The following COL5A3 variants were observed in gnomAD, a reference collection of about 807,000 sequenced individuals.
COL5A3 encodes the protein collagen type V alpha 3 chain, also known as collagen alpha-3(V) chain.
Under a neutral mutation model 250.0 loss-of-function variants are expected in COL5A3, and 172 were observed. The observed-to-expected ratio is 0.69, with a 90% confidence interval of 0.61 to 0.78. COL5A3 has a LOEUF of 0.78. Ranked by LOEUF, COL5A3 falls within the 30% of genes least tolerant of loss-of-function variation. The pLI is 0.00. For missense variants in COL5A3, 2,340 were observed against 2,334.4 expected (o/e 1.00, Z -0.05); for synonymous variants, 937 against 900.4 (o/e 1.04, Z -0.73).
rs1390675766 is a variant in COL5A3 at position 10,009,576 on chromosome 19, C to T, written c.88+722G>A. Among the ~76,000 whole-genome samples the T allele has an allele frequency of 6.6e-6, 1 of 152,098 alleles. No individual in the cohort carries two copies. Among genetic ancestry groups the T allele is most frequent in the Non-Finnish European group, 1.5e-5 (1 of 68,020 alleles). The stretch of plus-strand genomic sequence containing the variant: ...ACCGCGGCCCTCCCCGAAGCCCTGT[C>T]CATGGTGCTGATCGCGGCTCTGGGG... On this transcript the variant is annotated intron_variant, in intron 1 of 66. Transcript: ENST00000264828. The surrounding 1 kb of genome is among the most constrained non-coding windows in gnomAD (Gnocchi z 4.4).
chr19:9,978,709 C>T lies in COL5A3; in HGVS notation c.2965-82G>A. ...TCTTCCTCTGTGGGGAGCTCACAGT[C>T]CCCACCTCTCTCCTGGGACTGGACA... On this transcript the variant is annotated intron_variant, in intron 40 of 66. Transcript: ENST00000264828. The T allele has an allele frequency of 2.9e-6, 3 of 1,024,832 alleles. No individual in the cohort carries two copies. The South Asian group carries it at 5.1e-5, about 18-fold the overall frequency. The allele number at this position is 1,024,832 out of a possible 1,614,324, so 63.5% of individuals were successfully genotyped here.
In COL5A3 at chr19:9,977,299, A is replaced by T; in HGVS notation, c.3235-17T>A. The T allele has an allele frequency of 6.2e-7, 1 of 1,613,818 alleles. No homozygotes were observed. Among genetic ancestry groups the T allele is most frequent in the East Asian group, 2.2e-5 (1 of 44,858 alleles). ...CACATCCCCCTGCAGAGGAAATGGGATGAAGGACCCAGCTTCCATTCACCC... is the reference window on the plus strand; with the variant it reads ...CACATCCCCCTGCAGAGGAAATGGGTTGAAGGACCCAGCTTCCATTCACCC... On this transcript the variant is annotated splice_polypyrimidine_tract_variant and intron_variant, in intron 43 of 66. Transcript: ENST00000264828.
At position 9,959,668 on chromosome 19, in the gene COL5A3, C is replaced by A. The variant is rs2086645379; in HGVS notation, c.*743G>T. ...ATCTCTCATCATATCCCAGCCTTCC[C>A]TAAGGAGGAAGCAGATGAAATCTAC... On this transcript the variant is annotated 3_prime_UTR_variant, in exon 67 of 67. Coordinates refer to ENST00000264828, the MANE Select transcript of COL5A3 (RefSeq NM_015719.4). 6.6e-6 allele frequency: 1 copy of A among 152,530 alleles called. No homozygotes were observed. Among genetic ancestry groups the A allele is most frequent in the African/African-American group, 2.4e-5 (1 of 41,386 alleles). The allele number at this position is 152,530 out of a possible 1,614,324, so 9.4% of individuals were successfully genotyped here. A position where few individuals can be genotyped will look rare whatever the true frequency, so the allele number is the denominator to read the frequency against.
chr19:10,005,288 T>G (rs1303505575), intron 4 of COL5A3, among the ~76,000 whole-genome samples: 1 of 150,930 alleles, frequency 6.6e-6, no homozygotes. Flanking sequence ...AGGTGGAGGT[T>G]GCAGTGAGCT....
rs61742765 is a variant in COL5A3 at position 10,003,576 on chromosome 19, C to A, written c.838G>T (p.Ala280Ser). ...IWTSSPPPDS[A>S]ENQTSTDIPK... ...CTCAGGGCCCTTACCTGGTTCTCTG[C>A]GGAGTCAGGAGGTGGACTTGAGGTC... Residue 280 changes from alanine (A) to serine (S), a missense_variant, in exon 6 of 67, where the codon GCA (alanine) becomes TCA (serine). Ala to Ser is a moderately conservative substitution (Grantham distance 99). Coordinates refer to ENST00000264828, the MANE Select transcript of COL5A3 (RefSeq NM_015719.4). 1.9e-6 allele frequency: 3 copies of A among 1,613,984 alleles called. No individual in the cohort carries two copies. The highest frequency in any genetic ancestry group is 1.7e-5 in the Admixed American group (1 of 60,004).
chr19:9,966,681 G>T lies in COL5A3; in HGVS notation c.4524C>A (p.Val1508=). The T allele has an allele frequency of 6.5e-7, 1 of 1,538,566 alleles. No homozygotes were observed. ...RRRFVPVPLP[V]VEGGLEEVLA... is the part of the protein sequence containing the mutation. ...GCACCTCCTCCAGGCCGCCCTCCAC[G>T]ACTGGAAGCGGGACTGGGACGAAGC... Residue 1508 remains valine, a synonymous_variant, in exon 63 of 67, where the codon GTC becomes GTA. Transcript: ENST00000264828.
At chr19:9,972,679 T>C (rs2086869490) in intron 51 of COL5A3, among the ~76,000 whole-genome samples, 1 of 151,698 alleles carries the variant, frequency 6.6e-6, no homozygotes, top group Non-Finnish European at 1.5e-5. Context: ...CTACTAAAAA[T>C]ACAAAAATTA....
At chr19:9,989,035 C>G (rs2087148609) in intron 27 of COL5A3, 89 bp downstream of exon 27, 2 of 1,382,072 alleles carry the variant, frequency 1.4e-6, no homozygotes, top group East Asian at 2.3e-5. Context: ...ATTCCCCTCT[C>G]CACACATCCA....
At chr19:9,971,137 C>T in intron 52 of COL5A3, 68 bp downstream of exon 52, 1 of 1,419,112 alleles carries the variant, frequency 7.0e-7, no homozygotes, top group Non-Finnish European at 9.5e-7. Flanking sequence ...GTGCCCAGGT[C>T]TGTGGGGGTA....
At chr19:9,997,009 C>A in intron 11 of COL5A3, 2 of 515,848 alleles carry the variant, frequency 3.9e-6, no homozygotes, top group South Asian at 2.5e-5. Flanking sequence ...GAAAGACAGA[C>A]AGAGATGGAG....
chr19:9,990,749 G>A (rs539935554), intron 24 of COL5A3, among the ~76,000 whole-genome samples: 1 of 152,036 alleles, frequency 6.6e-6, no homozygotes, highest in South Asian at 2.1e-4. Context: ...ATTTTTAGTA[G>A]AGACAGGGTT....
chr19:9,989,302 C>CT lies in COL5A3; in HGVS notation c.2091+19dup, dbSNP rs1450180303. ...TCCCGACCCTCGTCCCCAACCCAGC[C>CT]TAACCTCCTGGTCACTCACCTGAGC... On this transcript the variant is annotated intron_variant, in intron 26 of 66. Transcript: ENST00000264828. The CT allele has an allele frequency of 6.2e-7, 1 of 1,614,092 alleles. No individual in the cohort carries two copies. Among genetic ancestry groups the CT allele is most frequent in the Non-Finnish European group, 8.5e-7 (1 of 1,180,024 alleles).
intron 37 of COL5A3, 99 bp downstream of exon 37, chr19:9,979,740 T>G: frequency 8.8e-7 from 1 of 1,138,268 alleles, no homozygotes. Context: ...GAGCCGAGAT[T>G]GCCCCACTGC....
At chr19:9,993,334 C>T in intron 19 of COL5A3, 46 bp downstream of exon 19, 3 of 1,600,516 alleles carry the variant, frequency 1.9e-6, no homozygotes, top group Non-Finnish European at 2.6e-6. Context: ...ACTCAGGCTT[C>T]CAAACTTACT....
intron 4 of COL5A3, among the ~76,000 whole-genome samples, chr19:10,005,327 G>A (rs2087426156): frequency 6.6e-6 from 1 of 150,954 alleles, no homozygotes; most frequent in Admixed American, 6.6e-5. Flanking sequence ...TCCAGCCTGG[G>A]TGACAGAGCA....
chr19:9,968,395 T>C lies in COL5A3; in HGVS notation c.4304A>G (p.Lys1435Arg). 6.3e-7 allele frequency: 1 copy of C among 1,594,032 alleles called. No homozygotes were observed. The highest frequency in any genetic ancestry group is 8.5e-7 in the Non-Finnish European group (1 of 1,174,188). ...LPGVQGPPGP[K>R]GDPGPPGPIG... ...GGTCAGGACACTCACAGGGTCTCCC[T>C]TGGGACCAGGGGGTCCCTGCACGCC... The change falls in exon 59 of 67, where the codon AAG becomes AGG. Residue 1435 changes from lysine (K) to arginine (R), a missense_variant. Physicochemically the swap from Lys to Arg is conservative, Grantham distance 26. Coordinates refer to ENST00000264828, the MANE Select transcript of COL5A3 (RefSeq NM_015719.4). The surrounding 1 kb of genome is among the most constrained non-coding windows in gnomAD (Gnocchi z 4.1).
intron 6 of COL5A3, among the ~76,000 whole-genome samples, chr19:10,002,082 G>A (rs2087371801): frequency 6.6e-6 from 1 of 152,208 alleles, no homozygotes; most frequent in Non-Finnish European, 1.5e-5. Flanking sequence ...CGTGGATGGA[G>A]GAGGTGCTGA....
Position 9,984,381 on chromosome 19 carries a change from T to C in COL5A3, c.2406+1461A>G, listed in dbSNP as rs79130667. Among the ~76,000 whole-genome samples the C allele has an allele frequency of 9.6e-3, 1,455 of 152,244 alleles. 25 individuals are homozygous for C. Among genetic ancestry groups the C allele is most frequent in the East Asian group, 0.077 (400 of 5,178 alleles). ...GAAACAGAACTCATCAGTGATATAA[T>C]ATGGGAATAGTTTAGGCAGAAAAAT... On this transcript the variant is annotated intron_variant, in intron 31 of 66. Coordinates refer to ENST00000264828, the MANE Select transcript of COL5A3 (RefSeq NM_015719.4).
intron 40 of COL5A3, 121 bp from the exon 41 acceptor site, chr19:9,978,748 G>A: frequency 1.1e-6 from 1 of 907,984 alleles, no homozygotes; most frequent in South Asian, 2.1e-5. Context: ...AGCTTTGAGG[G>A]GTCTGCCTTC....
Sources: gnomAD v4.1 joint callset for allele counts (sites outside exome capture counted in the v4.1 genomes callset) on GRCh38, gnomAD v4.1.1 for gene constraint, Gnocchi (gnomAD v3.1) non-coding constraint, MANE v1.5 for transcripts, NCBI Gene and HGNC (gene_info 2026-07-23, HGNC 2026-07-21) for gene names.